RRBP1: variants seen among roughly 807,000 people sequenced by gnomAD.
The protein encoded by RRBP1 is ribosome binding protein 1.
In RRBP1, 94 loss-of-function variants were observed where a neutral mutation model predicts 165.2. That is an observed-to-expected ratio of 0.57 (90% CI 0.48 to 0.68). RRBP1 has a LOEUF of 0.68. RRBP1 is among the 30% of genes least tolerant of loss of function. The probability of loss-of-function intolerance (pLI) is 0.00; values close to 1 mark genes in which losing one functional copy is unlikely to be tolerated. For missense variants in RRBP1, 1,676 were observed against 1,763.0 expected (o/e 0.95, Z 0.88); for synonymous variants, 680 against 714.5 (o/e 0.95, Z 0.77).
intron 3 of RRBP1, among the ~76,000 whole-genome samples, chr20:17,648,023 C>G (rs2036495078): frequency 1.3e-5 from 2 of 152,184 alleles, no homozygotes; most frequent in African/African-American, 4.8e-5. Context: ...AAGCCCAGCA[C>G]CACGCAAGCA....
In RRBP1 at chr20:17,629,874, T is replaced by C. The variant is rs763261556; in HGVS notation, c.2698A>G (p.Ser900Gly). 32 of 1,600,042 alleles carry C rather than the reference T, an allele frequency of 2.0e-5. No homozygotes were observed. The highest frequency in any genetic ancestry group is 1.3e-5 in the Non-Finnish European group (15 of 1,179,510). ...ELCHTQSSHA[S>G]LRADAEKAQE... ...GCCTTCTCGGCATCCGCCCGGAGGC[T>C]GGCGTGGCTGCTCTGCGTGTGGCAC... is the stretch of plus-strand genomic sequence containing the variant. Residue 900 changes from serine to glycine, a missense_variant, in exon 9 of 25, where the codon AGC becomes GGC. This residue lies in a region of RRBP1 where 1,184 missense variants were observed against 1,167.1 expected (regional missense o/e 1.01). Transcript: ENST00000377813.
Position 17,641,895 on chromosome 20 carries a change from C to G in RRBP1, c.2086G>C (p.Ala696Pro). The change falls in exon 5 of 25, where the codon GCG becomes CCG. Residue 696 changes from alanine (A) to proline (P), a missense_variant. Physicochemically the swap from Ala to Pro is conservative, Grantham distance 27 (BLOSUM62 -1). Around this residue, in one of 5 missense-constraint regions of RRBP1, gnomAD observed 1,184 missense variants for 1,167.1 expected, o/e 1.01. Transcript: ENST00000377813. ...TCTTCCAGCTGGCGTTTCAGAATCG[C>G]CACAGGGTCACCCTTCTGAGTGGCC... The part of the protein sequence containing the change: ...HKATQKGDPV[A>P]ILKRQLEEKE... 1 of 1,614,046 alleles carries G rather than the reference C, an allele frequency of 6.2e-7. No homozygotes were observed.
chr20:17,675,312 C>T (rs2037057420), intron 2 of RRBP1, among the ~76,000 whole-genome samples: 1 of 152,220 alleles, frequency 6.6e-6, no homozygotes, highest in Admixed American at 6.5e-5. Context: ...CTCCTTCAGG[C>T]TACATGATAT....
rs1357214683 is a variant in RRBP1 at position 17,633,684 on chromosome 20, C to G, written c.2457-71G>C. 5 of 1,491,230 alleles carry G rather than the reference C, an allele frequency of 3.4e-6. No homozygotes were observed. The East Asian group carries it at 1.1e-4, about 34-fold the overall frequency. 92.4% of individuals were successfully genotyped at this position (1,491,230 alleles called of 1,614,324 possible). ...GGGATCGGTGGTCCAAGCCCTCCCTCCAGGACTCCAGCTCTCTTGTAAGTA... is the reference window on the plus strand; with the variant it reads ...GGGATCGGTGGTCCAAGCCCTCCCTGCAGGACTCCAGCTCTCTTGTAAGTA... On this transcript the variant is annotated intron_variant, in intron 7 of 24. Coordinates refer to ENST00000377813, the MANE Select transcript of RRBP1 (RefSeq NM_001365613.2).
In RRBP1 at chr20:17,658,769, G is replaced by A. The variant is rs534343780; in HGVS notation, c.1739C>T (p.Ala580Val). The part of the protein sequence containing the change: ...AEGSPSEGKK[A>V]EGSPNQGKKA... ...TTTGCCTTGGTTGGGGGACCCTTCT[G>A]CCTTTTTGCCTTCACTGGGGGACCC... The change falls in exon 3 of 25, where the codon GCA (alanine) becomes GTA (valine). Residue 580 changes from alanine to valine, a missense_variant. Ala to Val is a moderately conservative substitution (Grantham distance 64). Around this residue, in one of 5 missense-constraint regions of RRBP1, gnomAD observed 1,184 missense variants for 1,167.1 expected, o/e 1.01. Coordinates refer to ENST00000377813, the MANE Select transcript of RRBP1 (RefSeq NM_001365613.2). 4.3e-6 allele frequency: 7 copies of A among 1,613,808 alleles called. No homozygotes were observed. The highest frequency in any genetic ancestry group is 3.3e-5 in the Admixed American group (2 of 59,996).
At chr20:17,642,066 T>G in intron 4 of RRBP1, 147 bp from the exon 5 acceptor site, 1 of 932,358 alleles carries the variant, frequency 1.1e-6, no homozygotes, top group Non-Finnish European at 1.6e-6. Flanking sequence ...CAGATACTTG[T>G]GGGGAAAGGC....
intron 5 of RRBP1, among the ~76,000 whole-genome samples, chr20:17,640,810 C>T (rs908127140): frequency 3.9e-5 from 6 of 152,196 alleles, no homozygotes; most frequent in African/African-American, 7.2e-5. Context: ...GGCTCAGAGC[C>T]GTGACCCTGA....
rs775853875 is a variant in RRBP1, at chr20:17,629,872, G to A, written c.2700C>T (p.Ser900=). Residue 900 remains serine, a synonymous_variant, in exon 9 of 25, where the codon AGC becomes AGT. Coordinates refer to ENST00000377813, the MANE Select transcript of RRBP1 (RefSeq NM_001365613.2). The part of the protein sequence containing the change: ...ELCHTQSSHA[S]LRADAEKAQE... Reference sequence around the variant, plus strand: ...GGGCCTTCTCGGCATCCGCCCGGAGGCTGGCGTGGCTGCTCTGCGTGTGGC... The same window carrying A: ...GGGCCTTCTCGGCATCCGCCCGGAGACTGGCGTGGCTGCTCTGCGTGTGGC... The A allele has an allele frequency of 1.7e-5, 27 of 1,600,064 alleles. No individual in the cohort carries two copies. The highest frequency in any genetic ancestry group is 5.5e-5 in the South Asian group (5 of 91,060).
chr20:17,667,547 C>T (rs1212616785), intron 2 of RRBP1, among the ~76,000 whole-genome samples: 1 of 152,176 alleles, frequency 6.6e-6, no homozygotes, highest in Non-Finnish European at 1.5e-5. Context: ...GATGCTAACA[C>T]ATCTTCCTAA....
At chr20:17,635,756 A>G in intron 6 of RRBP1, 92 bp from the exon 7 acceptor site, 4 of 935,130 alleles carry the variant, frequency 4.3e-6, no homozygotes, top group South Asian at 1.4e-5. Flanking sequence ...ACAGCCCACA[A>G]AAGAAAACCC....
intron 9 of RRBP1, among the ~76,000 whole-genome samples, chr20:17,629,127 TAG>T (rs1245930958): frequency 6.6e-6 from 1 of 152,262 alleles, no homozygotes; most frequent in African/African-American, 2.4e-5. Context: ...AGTCCCTGTG[TAG>T]AGGGCCCTGC....
chr20:17,621,612 TG>T, intron 15 of RRBP1, 65 bp from the exon 16 acceptor site: 1 of 1,589,382 alleles, frequency 6.3e-7, no homozygotes, highest in South Asian at 1.1e-5. Flanking sequence ...GGCTTCCCGT[TG>T]AAATGACTTG....
rs911348 is a variant in RRBP1 at position 17,616,716 on chromosome 20, A to G, written c.3867+16T>C. The G allele has an allele frequency of 1, 1,569,688 of 1,573,668 alleles. 782,911 individuals are homozygous for G. Among genetic ancestry groups the G allele is most frequent in the East Asian group, 1 (44,244 of 44,244 alleles). The stretch of plus-strand genomic sequence containing the variant: ...GGGATTAGTGATGTGTCTGGGGACC[A>G]GCTCACCGCCCTAACCTGAACGGGG... On this transcript the variant is annotated intron_variant, in intron 21 of 24. Transcript: ENST00000377813.
At position 17,614,057 on chromosome 20, in the gene RRBP1, G is replaced by T; in HGVS notation, c.*125C>A. 2 of 882,944 alleles carry T rather than the reference G, an allele frequency of 2.3e-6. No homozygotes were observed. Among genetic ancestry groups the T allele is most frequent in the Non-Finnish European group, 3.7e-6 (2 of 542,808 alleles). The allele number at this position is 882,944 out of a possible 1,614,324, so 54.7% of individuals were successfully genotyped here. On this transcript the variant is annotated 3_prime_UTR_variant, in exon 25 of 25. Coordinates refer to ENST00000377813, the MANE Select transcript of RRBP1 (RefSeq NM_001365613.2). ...GGCTCTAAGAGACTTGTCTCTCATG[G>T]CTTCTCTCGGAGCTACCGGAAGTTG...
chr20:17,615,572 A>C, intron 22 of RRBP1, 43 bp from the exon 23 acceptor site: 2 of 1,528,432 alleles, frequency 1.3e-6, no homozygotes, highest in Non-Finnish European at 1.8e-6. Flanking sequence ...ACGTCTTATA[A>C]ACGGCTGTGC....
chr20:17,663,968 C>T (rs1268408108), intron 2 of RRBP1, among the ~76,000 whole-genome samples: 1 of 152,214 alleles, frequency 6.6e-6, no homozygotes, highest in Non-Finnish European at 1.5e-5. Context: ...CTCTGGGAAA[C>T]TTCCCAACAC....
intron 20 of RRBP1, 31 bp downstream of exon 20, chr20:17,618,565 C>T (rs745449358): frequency 3.3e-5 from 52 of 1,561,466 alleles, no homozygotes; most frequent in Non-Finnish European, 4.5e-5. Flanking sequence ...CCAGGTCACA[C>T]TCCTGGCATG....
intron 14 of RRBP1, 31 bp from the exon 15 acceptor site, chr20:17,621,804 GGA>G: frequency 1.2e-6 from 2 of 1,613,142 alleles, no homozygotes; most frequent in Non-Finnish European, 1.7e-6. Flanking sequence ...TGAGACCCGG[GGA>G]CATTCCCTGA....
intron 2 of RRBP1, among the ~76,000 whole-genome samples, chr20:17,666,564 T>C (rs781428396): frequency 7.2e-5 from 11 of 152,218 alleles, no homozygotes; most frequent in Non-Finnish European, 1.6e-4. Flanking sequence ...GTAGATTCTT[T>C]CTGATTTTTT....
Sources: gnomAD v4.1 joint callset for allele counts (sites outside exome capture counted in the v4.1 genomes callset) on GRCh38, gnomAD v4.1.1 for gene constraint, gnomAD v4.1.1 regional missense constraint, MANE v1.5 for transcripts, NCBI Gene and HGNC (gene_info 2026-07-23, HGNC 2026-07-21) for gene names.